Variants in GIN1 observed in about 807,000 individuals in gnomAD.
GIN1 encodes the protein gypsy retrotransposon integrase 1, also known as gypsy retrotransposon integrase-like protein 1.
Under a neutral mutation model 51.4 loss-of-function variants are expected in GIN1, and 41 were observed. The ratio of observed to expected loss-of-function variants is 0.80; its 90% CI spans 0.62 to 1.04. GIN1 has a LOEUF of 1.04. Among genes scored for constraint, GIN1 ranks in the 50% least tolerant of loss-of-function variants. GIN1 has a pLI of 0.00. For synonymous variants in GIN1, 222 were observed against 206.5 expected (o/e 1.07, Z -0.64); for missense variants, 610 against 612.4 (o/e 1.00, Z 0.04).
intron 4 of GIN1, among the ~76,000 whole-genome samples, chr5:103,103,768 C>A (rs1787640908): frequency 6.6e-6 from 1 of 152,094 alleles, no homozygotes; most frequent in Non-Finnish European, 1.5e-5. Context: ...TCTCCCTTTA[C>A]CTGTCAATCA....
chr5:103,111,340 T>C (rs1285259011), intron 1 of GIN1, among the ~76,000 whole-genome samples: 1 of 152,148 alleles, frequency 6.6e-6, no homozygotes, highest in Non-Finnish European at 1.5e-5. Context: ...GTAAAATTAA[T>C]AATATACTAC....
Position 103,108,558 on chromosome 5 carries a change from A to C in GIN1, c.139+11T>G. The C allele has an allele frequency of 6.4e-7, 1 of 1,566,020 alleles. No homozygotes were observed. Among genetic ancestry groups the C allele is most frequent in the South Asian group, 1.1e-5 (1 of 87,170 alleles). Reference sequence around the variant, plus strand: ...ACAACTCAATAATCAAAATTTGAACATTAATTTTACCTTTGAAGACAAATT... The same window carrying C: ...ACAACTCAATAATCAAAATTTGAACCTTAATTTTACCTTTGAAGACAAATT... On this transcript the variant is annotated intron_variant, in intron 2 of 7. Transcript: ENST00000399004.
intron 2 of GIN1, among the ~76,000 whole-genome samples, 165 bp from the exon 3 acceptor site, chr5:103,107,074 AG>A (rs1416306040): frequency 6.6e-6 from 1 of 152,090 alleles, no homozygotes; most frequent in African/African-American, 2.4e-5. Context: ...TACAACACAA[AG>A]GTTCTTAGCT....
chr5:103,110,664 G>A (rs968025749), intron 1 of GIN1, among the ~76,000 whole-genome samples: 21 of 152,076 alleles, frequency 1.4e-4, no homozygotes, highest in Non-Finnish European at 2.4e-4. Context: ...CAACCACCTA[G>A]GAAAACTGAG....
intron 7 of GIN1, among the ~76,000 whole-genome samples, chr5:103,094,346 G>C (rs1160756598): frequency 6.6e-6 from 1 of 152,114 alleles, no homozygotes; most frequent in East Asian, 1.9e-4. Context: ...AGTTCCTTTA[G>C]TTAACAAGAA....
At chr5:103,119,000 G>A (rs1554197908) in intron 1 of GIN1, among the ~76,000 whole-genome samples, 1 of 152,134 alleles carries the variant, frequency 6.6e-6, no homozygotes, top group African/African-American at 2.4e-5. Context: ...AAATGAAAGT[G>A]ATTGATTACA....
intron 7 of GIN1, among the ~76,000 whole-genome samples, chr5:103,091,284 T>C (rs1787230601): frequency 6.6e-6 from 1 of 152,214 alleles, no homozygotes; most frequent in Admixed American, 6.5e-5. Flanking sequence ...ATTTCTGTAC[T>C]TTTCAAAATG....
intron 1 of GIN1, among the ~76,000 whole-genome samples, chr5:103,110,722 TA>T (rs1787858574): frequency 6.6e-6 from 1 of 152,212 alleles, no homozygotes; most frequent in African/African-American, 2.4e-5. Flanking sequence ...TTGGCAATTC[TA>T]ATTTTATATT....
intron 7 of GIN1, among the ~76,000 whole-genome samples, chr5:103,089,689 A>G (rs1272635537): frequency 6.6e-6 from 1 of 152,154 alleles, no homozygotes; most frequent in African/African-American, 2.4e-5. Flanking sequence ...TTTTAAGACC[A>G]AAAAAGCAAA....
chr5:103,102,451 A>C (rs2151469322), intron 4 of GIN1: 1 of 152,348 alleles, frequency 6.6e-6, no homozygotes, highest in South Asian at 2.1e-4. Context: ...ATATCTTTAC[A>C]GAACTGTTTT....
rs535999856 is a variant in GIN1, at chr5:103,097,935, T to A, written c.640-154A>T. 1.5e-4 allele frequency among the ~76,000 whole-genome samples: 23 copies of A among 152,256 alleles called. No individual in the cohort carries two copies. The South Asian group carries it at 3.5e-3, about 23-fold the overall frequency. On this transcript the variant is annotated intron_variant, in intron 4 of 7. Transcript: ENST00000399004. ...TCTTGCTCAGTCACCCAGGCTGGAGTGCAGTGGCAAAATCTCGGCTCACTG... is the reference window on the plus strand; with the variant it reads ...TCTTGCTCAGTCACCCAGGCTGGAGAGCAGTGGCAAAATCTCGGCTCACTG...
In GIN1 at chr5:103,096,615, T is replaced by C. The variant is rs1463211938; in HGVS notation, c.1220A>G (p.Asn407Ser). The C allele has an allele frequency of 1.9e-6, 3 of 1,612,004 alleles. No homozygotes were observed. The highest frequency in any genetic ancestry group is 2.5e-6 in the Non-Finnish European group (3 of 1,178,104). The change falls in exon 7 of 8, where the codon AAC becomes AGC. Residue 407 changes from asparagine (N) to serine (S), a missense_variant. Asn to Ser is a conservative substitution (Grantham distance 46). Coordinates refer to ENST00000399004, the MANE Select transcript of GIN1 (RefSeq NM_017676.2). ...TESGCAVLRD[N>S]TGVRLKRPIK... is the part of the protein sequence containing the mutation. Reference sequence around the variant, plus strand: ...AGGTCTTTTCAGTCTAACCCCAGTGTTGTCTCTCAGGACAGCACATCCACT... The same window carrying C: ...AGGTCTTTTCAGTCTAACCCCAGTGCTGTCTCTCAGGACAGCACATCCACT...
At chr5:103,107,517 T>C (rs1394212259) in intron 2 of GIN1, among the ~76,000 whole-genome samples, 1 of 152,094 alleles carries the variant, frequency 6.6e-6, no homozygotes, top group Non-Finnish European at 1.5e-5. Flanking sequence ...ACCATCTACC[T>C]TTCCAATGTG....
chr5:103,093,696 C>A (rs4612034), intron 7 of GIN1, among the ~76,000 whole-genome samples: 1 of 152,174 alleles, frequency 6.6e-6, no homozygotes, highest in East Asian at 1.9e-4. Context: ...AGATCCAAAT[C>A]TATCACAAAC....
At chr5:103,095,112 G>T (rs914946639) in intron 7 of GIN1, among the ~76,000 whole-genome samples, 7 of 152,112 alleles carry the variant, frequency 4.6e-5, no homozygotes, top group African/African-American at 1.7e-4. Flanking sequence ...ATTAATATTT[G>T]CTAAAGCCTG....
chr5:103,091,033 T>A (rs1415135105), intron 7 of GIN1, among the ~76,000 whole-genome samples: 1 of 152,082 alleles, frequency 6.6e-6, no homozygotes, highest in East Asian at 1.9e-4. Context: ...TTTATACACA[T>A]AGAAAACCAC....
rs1787789105 is a variant in GIN1 at position 103,108,570 on chromosome 5, T to C, written c.138A>G (p.Lys46=). The part of the protein sequence containing the change: ...IRRAAKKFVF[K]EKKLFYVGKD... ...TCAAAATTTGAACATTAATTTTACC[T>C]TTGAAGACAAATTTTTTTGCTGCTC... The change falls in exon 2 of 8, where the codon AAA becomes AAG. Residue 46 remains lysine, a splice_region_variant and synonymous_variant. Transcript: ENST00000399004. The C allele has an allele frequency of 6.3e-7, 1 of 1,593,390 alleles. No individual in the cohort carries two copies. Among genetic ancestry groups the C allele is most frequent in the Non-Finnish European group, 8.6e-7 (1 of 1,164,710 alleles).
chr5:103,087,937 C>T lies in GIN1; in HGVS notation c.1530G>A (p.Leu510=), dbSNP rs782754715. Residue 510 remains leucine (L), a synonymous_variant, in exon 8 of 8, where the codon CTG becomes CTA. Coordinates refer to ENST00000399004, the MANE Select transcript of GIN1 (RefSeq NM_017676.2). ...HSSLEKQTFS[L]LDSSNQVLEY... ...CAAGAACCTGGTTTGAAGAGTCCAA[C>T]AGACTGAAAGTCTGCTTTTCAAGAG... The T allele has an allele frequency of 1.3e-5, 21 of 1,589,652 alleles. No homozygotes were observed. The highest frequency in any genetic ancestry group is 1.6e-5 in the Non-Finnish European group (18 of 1,161,010).
intron 7 of GIN1, among the ~76,000 whole-genome samples, chr5:103,091,731 C>T (rs1554194565): frequency 6.6e-6 from 1 of 151,244 alleles, no homozygotes. Context: ...CGCCTATAAT[C>T]CCAGGGGTCT....
Sources: gnomAD v4.1 joint callset for allele counts (sites outside exome capture counted in the v4.1 genomes callset) on GRCh38, gnomAD v4.1.1 for gene constraint, MANE v1.5 for transcripts, NCBI Gene and HGNC (gene_info 2026-07-23, HGNC 2026-07-21) for gene names.